ELAVL2: variants seen among roughly 807,000 people sequenced by gnomAD.
ELAVL2 encodes the protein ELAV like RNA binding protein 2.
Under a neutral mutation model 34.6 loss-of-function variants are expected in ELAVL2, and 4 were observed. The observed-to-expected ratio is 0.12, with a 90% CI of 0.06 to 0.26. ELAVL2 has a LOEUF of 0.26. ELAVL2 is among the 10% of genes least tolerant of loss of function. The probability of loss-of-function intolerance (pLI) is 1.00; values close to 1 mark genes in which losing one functional copy is unlikely to be tolerated. For missense variants in ELAVL2, 432 were observed against 442.8 expected (o/e 0.98, Z 0.22); for synonymous variants, 193 against 154.8 (o/e 1.25, Z -1.83).
At chr9:23,778,698 G>T (rs566235874) in intron 1 of ELAVL2, among the ~76,000 whole-genome samples, 1 of 152,240 alleles carries the variant, frequency 6.6e-6, no homozygotes, top group Middle Eastern at 3.4e-3. Context: ...GGGGGAGGGA[G>T]GGGGTTTTCC....
intron 2 of ELAVL2, among the ~76,000 whole-genome samples, chr9:23,733,960 T>C (rs1411494661): frequency 6.6e-6 from 1 of 152,180 alleles, no homozygotes; most frequent in African/African-American, 2.4e-5. Flanking sequence ...TACTCAGAAA[T>C]ATTTATCCCC....
the ELAVL2 span, among the ~76,000 whole-genome samples, chr9:23,837,514 G>C: frequency 6.6e-6 from 1 of 152,100 alleles, no homozygotes; most frequent in Non-Finnish European, 1.5e-5. Context: ...ACTCTCACAA[G>C]AATCTCATCA....
At chr9:23,823,165 A>G (rs930154175) in intron 1 of ELAVL2, among the ~76,000 whole-genome samples, 3 of 152,212 alleles carry the variant, frequency 2.0e-5, no homozygotes, top group Non-Finnish European at 2.9e-5. Flanking sequence ...AAATGACCTT[A>G]ATTGACTTTG....
intron 5 of ELAVL2, among the ~76,000 whole-genome samples, chr9:23,697,130 G>T (rs1011804067): frequency 6.6e-6 from 1 of 151,896 alleles, no homozygotes; most frequent in Non-Finnish European, 1.5e-5. Flanking sequence ...ACAGCAAGCA[G>T]ATATGGAGGA....
At chr9:23,710,908 G>C (rs1053047838) in intron 3 of ELAVL2, among the ~76,000 whole-genome samples, 1 of 152,106 alleles carries the variant, frequency 6.6e-6, no homozygotes, top group South Asian at 2.1e-4. Flanking sequence ...GTACACAGAA[G>C]AAGGGGGATC....
chr9:23,849,371 T>G, the ELAVL2 span: 1 of 152,218 alleles, frequency 6.6e-6, no homozygotes, highest in Non-Finnish European at 1.5e-5. Context: ...TTCATCATCA[T>G]TTAGTATTTA....
chr9:23,786,300 T>G (rs1018773291), intron 1 of ELAVL2, among the ~76,000 whole-genome samples: 11 of 152,244 alleles, frequency 7.2e-5, no homozygotes, highest in African/African-American at 2.2e-4. Flanking sequence ...GCAACAAAGA[T>G]CTAATTTATA....
In ELAVL2 at chr9:23,692,609, C is replaced by T; in HGVS notation, c.1028G>A (p.Gly343Glu). Residue 343 changes from glycine (G) to glutamate (E), a missense_variant, in exon 7 of 7, where the codon GGA becomes GAA. This residue lies in a region of ELAVL2 where 295 missense variants were observed against 306.1 expected (regional missense o/e 0.96). Transcript: ENST00000397312. ...AAAGGAGACCTGCAGTACTCTGTCT[C>T]CCAGACGGTATCCATTGAGGCTAGC... The part of the protein sequence containing the change: ...AIASLNGYRL[G>E]DRVLQVSFKT... 6.2e-7 allele frequency: 1 copy of T among 1,614,146 alleles called. No individual in the cohort carries two copies. The highest frequency in any genetic ancestry group is 8.5e-7 in the Non-Finnish European group (1 of 1,179,988).
At chr9:23,833,018 C>A in the ELAVL2 span, among the ~76,000 whole-genome samples, 1 of 151,976 alleles carries the variant, frequency 6.6e-6, no homozygotes, top group African/African-American at 2.4e-5. Flanking sequence ...TGAATTGTTA[C>A]ATGCAAAAAT....
intron 3 of ELAVL2, among the ~76,000 whole-genome samples, chr9:23,710,793 T>G (rs2040718212): frequency 6.6e-6 from 1 of 152,168 alleles, no homozygotes; most frequent in Non-Finnish European, 1.5e-5. Context: ...TCAATAAAAG[T>G]TAGCTCTAGG....
At chr9:23,812,281 A>G (rs1449774839) in intron 1 of ELAVL2, among the ~76,000 whole-genome samples, 1 of 152,192 alleles carries the variant, frequency 6.6e-6, no homozygotes, top group African/African-American at 2.4e-5. Context: ...TGGCTTCTGA[A>G]CATAATCTCA....
At chr9:23,792,908 C>A (rs577283556) in intron 1 of ELAVL2, among the ~76,000 whole-genome samples, 36 of 152,208 alleles carry the variant, frequency 2.4e-4, no homozygotes, top group African/African-American at 8.4e-4. Context: ...GTATCTGGGA[C>A]TACAGGCATG....
intron 1 of ELAVL2, among the ~76,000 whole-genome samples, chr9:23,806,878 T>C (rs563110874): frequency 6.6e-6 from 1 of 152,230 alleles, no homozygotes; most frequent in African/African-American, 2.4e-5. Context: ...AGAAGTAAAA[T>C]TAAAATTCTC....
In ELAVL2 at chr9:23,729,555, C is replaced by T. The variant is rs529699619; in HGVS notation, c.333+1467G>A. 2.6e-5 allele frequency among the ~76,000 whole-genome samples: 4 copies of T among 152,224 alleles called. 1 individual carries two copies. The highest frequency in any genetic ancestry group is 7.2e-5 in the African/African-American group (3 of 41,544). The stretch of plus-strand genomic sequence containing the variant: ...AAAACTTCAAAACAAACTTGTCTTA[C>T]ACTTTATTGGAAATCTCATTTTTCC... On this transcript the variant is annotated intron_variant, in intron 3 of 6. Transcript: ENST00000397312.
At chr9:23,759,352 T>C (rs925333851) in intron 2 of ELAVL2, among the ~76,000 whole-genome samples, 1 of 151,612 alleles carries the variant, frequency 6.6e-6, no homozygotes, top group African/African-American at 2.4e-5. Context: ...AATCGAAAAA[T>C]GCTGATCTCA....
intron 2 of ELAVL2, among the ~76,000 whole-genome samples, chr9:23,757,098 C>T (rs1376627445): frequency 6.6e-6 from 1 of 152,088 alleles, no homozygotes; most frequent in South Asian, 2.1e-4. Flanking sequence ...TTGGGTACCA[C>T]CGGGCTAGAA....
chr9:23,690,620 T>G lies in ELAVL2; in HGVS notation c.*1937A>C, dbSNP rs1367245209. 1 of 152,436 alleles carries G rather than the reference T, an allele frequency of 6.6e-6. No homozygotes were observed. Among genetic ancestry groups the G allele is most frequent in the Non-Finnish European group, 1.5e-5 (1 of 67,978 alleles). 9.4% of individuals were successfully genotyped at this position (152,436 alleles called of 1,614,324 possible). On this transcript the variant is annotated 3_prime_UTR_variant, in exon 7 of 7. Transcript: ENST00000397312. Reference sequence around the variant, plus strand: ...ATATGTACTGTACTATACTGAAAAATTTTATAACTACAATTTTAAATAATA... The same window carrying G: ...ATATGTACTGTACTATACTGAAAAAGTTTATAACTACAATTTTAAATAATA...
intron 2 of ELAVL2, among the ~76,000 whole-genome samples, chr9:23,736,384 A>T (rs972677904): frequency 1.2e-4 from 18 of 152,210 alleles, no homozygotes; most frequent in African/African-American, 4.1e-4. Flanking sequence ...GGAGAAAAAG[A>T]TCTTTCTCAT....
At chr9:23,708,907 GGATTACA>G (rs1241219749) in intron 3 of ELAVL2, among the ~76,000 whole-genome samples, 1 of 151,912 alleles carries the variant, frequency 6.6e-6, no homozygotes, top group Non-Finnish European at 1.5e-5. Context: ...CAAAGTGCTG[GGATTACA>G]GGCATGAGCC....
Sources: gnomAD v4.1 joint callset for allele counts (sites outside exome capture counted in the v4.1 genomes callset) on GRCh38, gnomAD v4.1.1 for gene constraint, gnomAD v4.1.1 regional missense constraint, MANE v1.5 for transcripts, NCBI Gene and HGNC (gene_info 2026-07-23, HGNC 2026-07-21) for gene names.